Variants in C1orf21 observed in about 807,000 individuals in gnomAD.
The protein encoded by C1orf21 is uncharacterized protein C1orf21.
A neutral mutation model predicts 18.7 loss-of-function variants in C1orf21; 3 were observed. The observed-to-expected ratio is 0.16, with a 90% CI of 0.07 to 0.42. The LOEUF (loss-of-function observed/expected upper bound fraction) is 0.42. C1orf21 is among the 10% of genes least tolerant of loss of function. The pLI is 0.99. For synonymous variants in C1orf21, 41 were observed against 46.4 expected, an observed-to-expected ratio of 0.88 and a Z score of 0.47; for missense variants, 104 against 143.6, an observed-to-expected ratio of 0.72 and a Z score of 1.41.
chr1:184,619,424 G>A, intron 5 of C1orf21, 94 bp from the exon 6 acceptor site: 2 of 1,330,824 alleles, frequency 1.5e-6, no homozygotes, highest in Non-Finnish European at 2.1e-6. Flanking sequence ...GTTGCAAGGA[G>A]ACATATATTG....
At chr1:184,567,171 T>A in intron 3 of C1orf21, 1 of 477,742 alleles carries the variant, frequency 2.1e-6, no homozygotes, top group Non-Finnish European at 4.2e-6. Context: ...TGGTGTGAGC[T>A]CACAGTCCAC....
intron 1 of C1orf21, among the ~76,000 whole-genome samples, chr1:184,444,373 GT>G (rs1381311425): frequency 6.6e-6 from 1 of 152,138 alleles, no homozygotes; most frequent in Non-Finnish European, 1.5e-5. Context: ...CCACCGTACT[GT>G]TCTTGTGGTA....
Position 184,626,626 on chromosome 1 carries a change from G to A in C1orf21, c.*7070G>A, listed in dbSNP as rs926162970. The A allele has an allele frequency of 2.0e-5, 3 of 152,524 alleles. No individual in the cohort carries two copies. The highest frequency in any genetic ancestry group is 7.2e-5 in the African/African-American group (3 of 41,428). The allele number at this position is 152,524 out of a possible 1,614,324, so 9.4% of individuals were successfully genotyped here. ...TGCTGAGGTCCTCCAGACAGGTAAGGTGTGGTCACAATCAGGGCCGGGGTT... is the reference window on the plus strand; with the variant it reads ...TGCTGAGGTCCTCCAGACAGGTAAGATGTGGTCACAATCAGGGCCGGGGTT... On this transcript the variant is annotated 3_prime_UTR_variant, in exon 6 of 6. Coordinates refer to ENST00000235307, the MANE Select transcript of C1orf21 (RefSeq NM_030806.4).
chr1:184,417,372 T>C (rs1656469167), intron 1 of C1orf21, among the ~76,000 whole-genome samples: 1 of 152,138 alleles, frequency 6.6e-6, no homozygotes, highest in Admixed American at 6.5e-5. Context: ...AAGACATCCA[T>C]GTGTCAAGAT....
chr1:184,580,465 A>C (rs527256134), intron 3 of C1orf21, among the ~76,000 whole-genome samples: 37 of 152,352 alleles, frequency 2.4e-4, no homozygotes, highest in Admixed American at 2.4e-3. Flanking sequence ...GATGTTGACT[A>C]TTGTTTCTGC....
chr1:184,612,388 T>C (rs988856697), intron 5 of C1orf21, among the ~76,000 whole-genome samples: 13 of 152,244 alleles, frequency 8.5e-5, no homozygotes, highest in Non-Finnish European at 1.9e-4. Context: ...CATGAGGTTC[T>C]TTAACTCAGA....
At chr1:184,412,819 C>CA (rs1301998053) in intron 1 of C1orf21, among the ~76,000 whole-genome samples, 1 of 151,946 alleles carries the variant, frequency 6.6e-6, no homozygotes, top group Non-Finnish European at 1.5e-5. Flanking sequence ...AAAACAAAAA[C>CA]AAAAAATTCA....
chr1:184,461,025 A>G (rs1445684649), intron 1 of C1orf21, among the ~76,000 whole-genome samples: 2 of 151,962 alleles, frequency 1.3e-5, no homozygotes, highest in African/African-American at 4.8e-5. Flanking sequence ...AAGCACCACT[A>G]CTGGAGGCAG....
chr1:184,470,133 CTCTG>C (rs974879005), intron 1 of C1orf21, among the ~76,000 whole-genome samples: 2 of 152,012 alleles, frequency 1.3e-5, no homozygotes, highest in Non-Finnish European at 2.9e-5. Context: ...CTCTCGTTAT[CTCTG>C]TCTGTTCCTG....
At chr1:184,411,811 C>G (rs1022512382) in intron 1 of C1orf21, among the ~76,000 whole-genome samples, 2 of 152,234 alleles carry the variant, frequency 1.3e-5, no homozygotes, top group Non-Finnish European at 1.5e-5. Flanking sequence ...CCAAGTTTGT[C>G]TCAGAGGAAT....
chr1:184,495,141 G>A (rs1657870566), intron 2 of C1orf21, among the ~76,000 whole-genome samples: 1 of 152,198 alleles, frequency 6.6e-6, no homozygotes, highest in Non-Finnish European at 1.5e-5. Context: ...GGGCCAGGGT[G>A]CCCGAAGAGG....
intron 1 of C1orf21, among the ~76,000 whole-genome samples, chr1:184,391,589 A>G (rs1232202741): frequency 6.6e-6 from 1 of 152,230 alleles, no homozygotes; most frequent in East Asian, 1.9e-4. Flanking sequence ...AAGTTTTAAT[A>G]AATGTGTATG....
chr1:184,473,830 GTCTT>G (rs1657530803), intron 1 of C1orf21, among the ~76,000 whole-genome samples: 2 of 152,262 alleles, frequency 1.3e-5, no homozygotes, highest in South Asian at 4.1e-4. Flanking sequence ...TGCAAAACTG[GTCTT>G]TCTAATTATC....
In C1orf21 at chr1:184,621,291, C is replaced by G. The variant is rs947874485; in HGVS notation, c.*1735C>G. 6.6e-6 allele frequency: 1 copy of G among 152,606 alleles called. No homozygotes were observed. The highest frequency in any genetic ancestry group is 1.5e-5 in the Non-Finnish European group (1 of 68,030). 9.5% of individuals were successfully genotyped at this position (152,606 alleles called of 1,614,324 possible). A position where few individuals can be genotyped will look rare whatever the true frequency, so the allele number is the denominator to read the frequency against. ...ATATTAGCAACAAAATCCCGTAATTCTTTTGGCCAACAGCAGCTATTTTGG... is the reference window on the plus strand; with the variant it reads ...ATATTAGCAACAAAATCCCGTAATTGTTTTGGCCAACAGCAGCTATTTTGG... On this transcript the variant is annotated 3_prime_UTR_variant, in exon 6 of 6. Transcript: ENST00000235307.
chr1:184,391,686 G>A (rs1474678056), intron 1 of C1orf21, among the ~76,000 whole-genome samples: 5 of 151,922 alleles, frequency 3.3e-5, no homozygotes, highest in Admixed American at 1.3e-4. Context: ...CAAGCATGAT[G>A]TCCTCTCAAA....
chr1:184,476,447 T>C (rs1257710501), intron 1 of C1orf21, among the ~76,000 whole-genome samples: 1 of 152,062 alleles, frequency 6.6e-6, no homozygotes, highest in Non-Finnish European at 1.5e-5. Flanking sequence ...CTGGAGTAAG[T>C]CATCTATAGG....
At chr1:184,423,492 A>G (rs1656581559) in intron 1 of C1orf21, among the ~76,000 whole-genome samples, 1 of 152,192 alleles carries the variant, frequency 6.6e-6, no homozygotes, top group Non-Finnish European at 1.5e-5. Context: ...AGATTTTTTG[A>G]GTAGGAGGGT....
At chr1:184,437,956 G>A (rs1468458456) in intron 1 of C1orf21, among the ~76,000 whole-genome samples, 1 of 152,102 alleles carries the variant, frequency 6.6e-6, no homozygotes, top group Non-Finnish European at 1.5e-5. Context: ...ACTTCTGTGA[G>A]AATCTGATGC....
chr1:184,525,259 G>T (rs1658361653), intron 3 of C1orf21, among the ~76,000 whole-genome samples: 1 of 151,922 alleles, frequency 6.6e-6, no homozygotes, highest in East Asian at 1.9e-4. Context: ...ATGGAAAGTT[G>T]ACTTTCAGTG....
Sources: gnomAD v4.1 joint callset for allele counts (sites outside exome capture counted in the v4.1 genomes callset) on GRCh38, gnomAD v4.1.1 for gene constraint, MANE v1.5 for transcripts, NCBI Gene and HGNC (gene_info 2026-07-23, HGNC 2026-07-21) for gene names.